Variants in ROBO1 observed in about 807,000 individuals in gnomAD.
The protein encoded by ROBO1 is roundabout homolog 1.
In ROBO1, 149 loss-of-function variants were observed where a neutral mutation model predicts 195.9. The observed-to-expected ratio is 0.76, with a 90% CI of 0.67 to 0.87. The LOEUF (loss-of-function observed/expected upper bound fraction) is 0.87, where lower values mean the gene tolerates loss of function less well. Among genes scored for constraint, ROBO1 ranks in the 40% least tolerant of loss-of-function variants. The probability of loss-of-function intolerance (pLI) is 0.00; values close to 1 mark genes in which losing one functional copy is unlikely to be tolerated. For synonymous variants in ROBO1, 816 were observed against 733.2 expected (o/e 1.11, Z -1.82); for missense variants, 1,933 against 2,068.3 (o/e 0.93, Z 1.27).
At chr3:79,205,106 C>T (rs887543243) in intron 2 of ROBO1, among the ~76,000 whole-genome samples, 2 of 152,022 alleles carry the variant, frequency 1.3e-5, no homozygotes, top group African/African-American at 4.8e-5. Context: ...TATTTTGGCG[C>T]AGCAGCCTCT....
chr3:79,168,225 G>T (rs1271903268), intron 2 of ROBO1, among the ~76,000 whole-genome samples: 3 of 152,144 alleles, frequency 2.0e-5, no homozygotes. Context: ...TTTACCCAAT[G>T]AGAGGAAACA....
intron 3 of ROBO1, among the ~76,000 whole-genome samples, chr3:78,961,632 T>C (rs144282193): frequency 0.012 from 1,777 of 152,244 alleles, 33 homozygotes; most frequent in African/African-American, 0.041. Context: ...AGAAATGAAA[T>C]AACTCATCCC....
At chr3:79,526,530 T>C (rs1017027601) in intron 2 of ROBO1, 2 of 152,218 alleles carry the variant, frequency 1.3e-5, no homozygotes, top group Non-Finnish European at 2.9e-5. Flanking sequence ...CCATGCATCA[T>C]ACATTTTCTG....
chr3:79,333,334 A>G (rs901040050), intron 2 of ROBO1, among the ~76,000 whole-genome samples: 3 of 152,142 alleles, frequency 2.0e-5, no homozygotes, highest in Non-Finnish European at 4.4e-5. Context: ...CACATGCGCA[A>G]CCATGTAAAT....
rs1388359608 is a variant in ROBO1, at chr3:79,166,562, T to TTTTC, written c.89-41024_89-41023insGAAA. ...TGGAAGGCAAGTTTTCTATTTTTCT[T>TTTTC]TTTTTTTTTTTTTTTATTTTTGAGA... On this transcript the variant is annotated intron_variant, in intron 2 of 30. Coordinates refer to ENST00000464233, the MANE Select transcript of ROBO1 (RefSeq NM_002941.4). Among the ~76,000 whole-genome samples the TTTTC allele has an allele frequency of 2.5e-3, 352 of 143,404 alleles. 4 individuals are homozygous for TTTTC. Among genetic ancestry groups the TTTTC allele is most frequent in the African/African-American group, 8.9e-3 (343 of 38,424 alleles). 94.1% of individuals were successfully genotyped at this position (143,404 alleles called of 152,430 possible). A position where few individuals can be genotyped will look rare whatever the true frequency, so the allele number is the denominator to read the frequency against.
chr3:79,412,094 A>G (rs2037791677), intron 2 of ROBO1, among the ~76,000 whole-genome samples: 1 of 152,144 alleles, frequency 6.6e-6, no homozygotes, highest in Admixed American at 6.6e-5. Context: ...CTTACTGGGA[A>G]TGGAAACCTG....
At chr3:78,882,988 T>C (rs529180915) in intron 4 of ROBO1, among the ~76,000 whole-genome samples, 1 of 151,966 alleles carries the variant, frequency 6.6e-6, no homozygotes, top group East Asian at 1.9e-4. Flanking sequence ...AATTTTTGTA[T>C]TTTTAGTAGA....
intron 1 of ROBO1, among the ~76,000 whole-genome samples, chr3:79,749,093 G>T (rs1704007810): frequency 6.6e-6 from 1 of 152,164 alleles, no homozygotes; most frequent in Admixed American, 6.5e-5. Flanking sequence ...TGACCGAAAG[G>T]CTGATAGTGG....
intron 1 of ROBO1, among the ~76,000 whole-genome samples, chr3:79,636,269 A>G (rs1945493108): frequency 6.6e-6 from 1 of 152,150 alleles, no homozygotes. Context: ...TGTCGAATAC[A>G]TGGATTCAAC....
intron 1 of ROBO1, among the ~76,000 whole-genome samples, chr3:79,696,546 T>C (rs770344012): frequency 1.3e-5 from 2 of 151,008 alleles, no homozygotes; most frequent in Non-Finnish European, 3.0e-5. Flanking sequence ...GAATCTTGTA[T>C]AACAAATTGG....
intron 2 of ROBO1, among the ~76,000 whole-genome samples, chr3:79,536,456 A>T (rs74282333): frequency 0.081 from 12,391 of 152,224 alleles, 667 homozygotes; most frequent in East Asian, 0.17. Flanking sequence ...CATTTCTTCA[A>T]GAAAATAAAT....
chr3:79,122,333 A>C (rs2080134882), intron 3 of ROBO1, among the ~76,000 whole-genome samples: 1 of 152,040 alleles, frequency 6.6e-6, no homozygotes, highest in Non-Finnish European at 1.5e-5. Flanking sequence ...GCTACCTTAG[A>C]AATTGTGTTG....
chr3:79,128,307 G>GTGC (rs1283185225), intron 2 of ROBO1, among the ~76,000 whole-genome samples: 1 of 152,096 alleles, frequency 6.6e-6, no homozygotes, highest in African/African-American at 2.4e-5. Context: ...GTCACTAGAG[G>GTGC]TGCTGGGTTT....
intron 3 of ROBO1, among the ~76,000 whole-genome samples, chr3:79,045,800 A>C (rs990118475): frequency 6.6e-6 from 1 of 152,158 alleles, no homozygotes; most frequent in Non-Finnish European, 1.5e-5. Flanking sequence ...TTCTCCAAAT[A>C]ATTCTTAGTC....
At position 79,178,869 on chromosome 3, in the gene ROBO1, T is replaced by C. The variant is rs79576958; in HGVS notation, c.89-53330A>G. ...AACGTTCAATCTCAAAATCTAAGAC[T>C]ATGGCATGCAGGCATAGTAAGACAC... On this transcript the variant is annotated intron_variant, in intron 2 of 30. Coordinates refer to ENST00000464233, the MANE Select transcript of ROBO1 (RefSeq NM_002941.4). 3.3e-5 allele frequency among the ~76,000 whole-genome samples: 5 copies of C among 152,302 alleles called. No individual in the cohort carries two copies. The East Asian group carries it at 9.7e-4, about 29-fold the overall frequency.
intron 10 of ROBO1, among the ~76,000 whole-genome samples, chr3:78,673,921 A>G (rs1708246841): frequency 6.6e-6 from 1 of 152,038 alleles, no homozygotes; most frequent in South Asian, 2.1e-4. Context: ...CTTGGAAATT[A>G]TAAATTTGGC....
At position 79,402,072 on chromosome 3, in the gene ROBO1, T is replaced by G. The variant is rs2037385959; in HGVS notation, c.88+187752A>C. ...ACTTGATATATAAGCTACTGTTCAG[T>G]GTGTTTTTTTAAGCTTTGAGAACGT... On this transcript the variant is annotated intron_variant, in intron 2 of 30. Transcript: ENST00000464233. 2.0e-5 allele frequency among the ~76,000 whole-genome samples: 3 copies of G among 151,918 alleles called. No homozygotes were observed. The South Asian group carries it at 6.2e-4, about 31-fold the overall frequency.
intron 2 of ROBO1, among the ~76,000 whole-genome samples, chr3:79,421,463 C>T (rs1000499006): frequency 6.6e-6 from 1 of 152,006 alleles, no homozygotes; most frequent in Non-Finnish European, 1.5e-5. Context: ...AGGAATCTGT[C>T]ATATACTAGT....
In ROBO1 at chr3:79,589,889, A is replaced by T; in HGVS notation, c.23T>A (p.Phe8Tyr). 2 of 1,610,942 alleles carry T rather than the reference A, an allele frequency of 1.2e-6. No individual in the cohort carries two copies. The highest frequency in any genetic ancestry group is 1.7e-6 in the Non-Finnish European group (2 of 1,177,838). Residue 8 changes from phenylalanine (F) to tyrosine (Y), a missense_variant, in exon 2 of 31, where the codon TTT becomes TAT. Around this residue, in one of 3 missense-constraint regions of ROBO1, gnomAD observed 185 missense variants for 159.5 expected, o/e 1.16. Transcript: ENST00000464233. Reference protein sequence around the residue: MKWKHVPFLVMISLLSLS... With the variant: MKWKHVPYLVMISLLSLS... Reference sequence around the variant, plus strand: ...GCTGAGGAGTGATATCATGACCAAAAAAGGAACATGTTTCCATTTCATCTT... The same window carrying T: ...GCTGAGGAGTGATATCATGACCAAATAAGGAACATGTTTCCATTTCATCTT...
Sources: allele counts gnomAD v4.1 joint callset (sites outside exome capture counted in the v4.1 genomes callset), GRCh38; gene constraint gnomAD v4.1.1; regional missense constraint gnomAD v4.1.1; transcripts MANE v1.5; gene names NCBI Gene and HGNC (gene_info 2026-07-23, HGNC 2026-07-21).